The following RBFOX1 variants were observed in gnomAD, a reference collection of about 807,000 sequenced individuals.
RBFOX1 encodes the protein RNA binding protein fox-1 homolog 1.
RBFOX1 carries 8 observed loss-of-function variants against 57.7 expected under a neutral mutation model. That is an observed-to-expected ratio of 0.14 (90% CI 0.08 to 0.25). The LOEUF is 0.25. Ranked by LOEUF, RBFOX1 falls within the 10% of genes least tolerant of loss-of-function variation. The pLI is 1.00. For synonymous variants in RBFOX1, 326 were observed against 222.4 expected, an observed-to-expected ratio of 1.47 and a Z score of -4.15; for missense variants, 611 against 548.5, an observed-to-expected ratio of 1.11 and a Z score of -1.14.
In RBFOX1 at chr16:7,183,352, A is replaced by G. The variant is rs1049942922; in HGVS notation, c.27+131254A>G. 2.6e-5 allele frequency among the ~76,000 whole-genome samples: 4 copies of G among 152,164 alleles called. No homozygotes were observed. In the South Asian group the frequency reaches 6.2e-4, roughly 24 times the overall value. On this transcript the variant is annotated intron_variant, in intron 4 of 15. Transcript: ENST00000550418. Reference sequence around the variant, plus strand: ...GGGTTGATCTCAAATTTGACAGAAGAAACAGAGGTAATTTTTTTCTACCTG... The same window carrying G: ...GGGTTGATCTCAAATTTGACAGAAGGAACAGAGGTAATTTTTTTCTACCTG...
In RBFOX1 at chr16:7,709,749, G is replaced by C. The variant is rs1315389773; in HGVS notation, c.1071+618G>C. ...GGGCAGGTCTGGGTTTTTGTTTTGGGAGGGGGTGGGGGGAGGGTAAAAAAT... is the reference window on the plus strand; with the variant it reads ...GGGCAGGTCTGGGTTTTTGTTTTGGCAGGGGGTGGGGGGAGGGTAAAAAAT... On this transcript the variant is annotated intron_variant, in intron 15 of 15. Coordinates refer to ENST00000550418, the MANE Select transcript of RBFOX1 (RefSeq NM_018723.4). The C allele has an allele frequency of 7.4e-5, 16 of 217,316 alleles. No homozygotes were observed. In the Admixed American group the frequency reaches 8.1e-4, roughly 11 times the overall value. 13.5% of individuals were successfully genotyped at this position (217,316 alleles called of 1,614,324 possible).
At chr16:6,613,857 G>A (rs964044437) in intron 2 of RBFOX1, among the ~76,000 whole-genome samples, 1 of 152,168 alleles carries the variant, frequency 6.6e-6, no homozygotes, top group Non-Finnish European at 1.5e-5. Flanking sequence ...AGAATCACTT[G>A]AATCTGGGAG....
chr16:5,934,426 T>G (rs1403558434), intron 4 of RBFOX1, among the ~76,000 whole-genome samples: 1 of 152,228 alleles, frequency 6.6e-6, no homozygotes, highest in African/African-American at 2.4e-5. Context: ...TCTATTACTT[T>G]CTTTTAAAAA....
At chr16:6,706,209 C>T (rs971646554) in intron 3 of RBFOX1, among the ~76,000 whole-genome samples, 1 of 152,160 alleles carries the variant, frequency 6.6e-6, no homozygotes, top group Admixed American at 6.5e-5. Flanking sequence ...AATTCCTCTC[C>T]TTAGGTTCAC....
chr16:5,816,419 A>G (rs2055639998), intron 3 of RBFOX1, among the ~76,000 whole-genome samples: 2 of 152,286 alleles, frequency 1.3e-5, no homozygotes, highest in South Asian at 4.1e-4. Flanking sequence ...CAAGGATGAC[A>G]CTGACTGCCA....
intron 4 of RBFOX1, among the ~76,000 whole-genome samples, chr16:7,174,705 G>C (rs1012079816): frequency 4.6e-5 from 7 of 152,290 alleles, no homozygotes; most frequent in South Asian, 2.1e-4. Flanking sequence ...ACTTGAACGC[G>C]AGAGGCGGAG....
intron 1 of RBFOX1, among the ~76,000 whole-genome samples, chr16:6,099,612 T>G (rs1380738092): frequency 6.6e-6 from 1 of 152,216 alleles, no homozygotes; most frequent in East Asian, 1.9e-4. Context: ...ATAGAGGTAG[T>G]GGCTGTACAA....
chr16:6,639,667 G>C (rs944889129), intron 2 of RBFOX1, among the ~76,000 whole-genome samples: 1 of 152,036 alleles, frequency 6.6e-6, no homozygotes, highest in Non-Finnish European at 1.5e-5. Flanking sequence ...ACGACGTCAG[G>C]AGATTGAGAC....
Position 6,410,303 on chromosome 16 carries a change from C to CTTTTT in RBFOX1, c.-64+93264_-64+93268dup, listed in dbSNP as rs34012786. On this transcript the variant is annotated intron_variant, in intron 2 of 15. Transcript: ENST00000550418. ...CCTGCTGAAACGATGACCTAGGGTT[C>CTTTTT]TTTTTTTTTTTTTTTTTTTTTTGAG... Among the ~76,000 whole-genome samples, 1,131 of 86,690 alleles carry CTTTTT rather than the reference C, an allele frequency of 0.013. 83 individuals are homozygous for CTTTTT. In the East Asian group the frequency reaches 0.16, roughly 12 times the overall value. The allele number at this position is 86,690 out of a possible 152,430, so 56.9% of individuals were successfully genotyped here. A position where few individuals can be genotyped will look rare whatever the true frequency, so the allele number is the denominator to read the frequency against.
intron 3 of RBFOX1, among the ~76,000 whole-genome samples, chr16:5,648,482 A>G (rs2049121035): frequency 6.6e-6 from 1 of 152,110 alleles, no homozygotes; most frequent in Admixed American, 6.5e-5. Context: ...CCCTAGGGGA[A>G]TTTGGCAATG....
chr16:5,626,081 T>C (rs985491528), intron 3 of RBFOX1, among the ~76,000 whole-genome samples: 2 of 152,142 alleles, frequency 1.3e-5, no homozygotes, highest in African/African-American at 4.8e-5. Context: ...GGTTTCTCCA[T>C]GTTGGTCAGG....
intron 4 of RBFOX1, among the ~76,000 whole-genome samples, chr16:7,491,583 T>C (rs1221423166): frequency 1.3e-5 from 2 of 151,878 alleles, no homozygotes; most frequent in Non-Finnish European, 2.9e-5. Flanking sequence ...TGTCTCTCTC[T>C]AAATTATTTG....
intron 4 of RBFOX1, among the ~76,000 whole-genome samples, chr16:5,928,803 C>G (rs980568142): frequency 6.6e-6 from 1 of 151,912 alleles, no homozygotes; most frequent in South Asian, 2.1e-4. Context: ...CCAGTTCTTT[C>G]CCACCCTGGC....
intron 1 of RBFOX1, among the ~76,000 whole-genome samples, chr16:6,236,527 T>C (rs2097506343): frequency 6.6e-6 from 1 of 151,968 alleles, no homozygotes; most frequent in South Asian, 2.1e-4. Context: ...CTCTGTCTCC[T>C]GGGTTCAAGT....
At chr16:6,577,932 G>T (rs1289733268) in intron 2 of RBFOX1, among the ~76,000 whole-genome samples, 1 of 152,208 alleles carries the variant, frequency 6.6e-6, no homozygotes. Flanking sequence ...TGAGAAGGCT[G>T]GGATTCAGAG....
At chr16:6,120,896 G>T (rs959678081) in intron 1 of RBFOX1, among the ~76,000 whole-genome samples, 1 of 152,170 alleles carries the variant, frequency 6.6e-6, no homozygotes, top group African/African-American at 2.4e-5. Context: ...GGTGGGGGCT[G>T]GTGAAGAGAA....
intron 1 of RBFOX1, among the ~76,000 whole-genome samples, chr16:5,439,834 C>G (rs538843806): frequency 2.1e-5 from 3 of 145,926 alleles, no homozygotes; most frequent in Non-Finnish European, 4.4e-5. Flanking sequence ...CAAACATGTC[C>G]TTCTTCACAT....
At chr16:7,598,008 C>A (rs1186342411) in intron 9 of RBFOX1, among the ~76,000 whole-genome samples, 1 of 152,136 alleles carries the variant, frequency 6.6e-6, no homozygotes, top group Non-Finnish European at 1.5e-5. Flanking sequence ...CCCATCAGGA[C>A]AATGCAATTT....
intron 4 of RBFOX1, among the ~76,000 whole-genome samples, chr16:7,052,984 G>A (rs894224599): frequency 6.6e-6 from 1 of 152,182 alleles, no homozygotes; most frequent in African/African-American, 2.4e-5. Flanking sequence ...AACCACAACA[G>A]TGGGATTTGG....
Sources: gnomAD v4.1 joint callset for allele counts (sites outside exome capture counted in the v4.1 genomes callset) on GRCh38, gnomAD v4.1.1 for gene constraint, MANE v1.5 for transcripts, NCBI Gene and HGNC (gene_info 2026-07-23, HGNC 2026-07-21) for gene names.